Variants in ABL1 observed in about 807,000 individuals in gnomAD.
The protein encoded by ABL1 is ABL proto-oncogene 1, non-receptor tyrosine kinase, also known as tyrosine-protein kinase ABL1.
ABL1 carries 11 observed loss-of-function variants against 94.7 expected under a neutral mutation model. The observed-to-expected ratio is 0.12, with a 90% CI of 0.07 to 0.19. ABL1 has a LOEUF of 0.19. ABL1 is among the 10% of genes least tolerant of loss of function. The pLI is 1.00. For missense variants in ABL1, 1,082 were observed against 1,489.4 expected, an observed-to-expected ratio of 0.73 and a Z score of 4.50; for synonymous variants, 656 against 622.4, an observed-to-expected ratio of 1.05 and a Z score of -0.80.
chr9:130,857,806 T>C (rs1399033786), intron 3 of ABL1, among the ~76,000 whole-genome samples: 1 of 152,166 alleles, frequency 6.6e-6, no homozygotes, highest in African/African-American at 2.4e-5. Context: ...AACACTGCAG[T>C]GTGCGTGACG....
rs1206800431 is a variant in ABL1 at position 130,784,280 on chromosome 9, T to TC, written c.137-69778dup. On this transcript the variant is annotated intron_variant, in intron 1 of 10. Transcript: ENST00000372348. ...ATATACAAATTTCTGTGTTTTTTTG[T>TC]CCCCCCAACCCCTGCCCTTTTAAAG... 8.5e-5 allele frequency among the ~76,000 whole-genome samples: 13 copies of TC among 152,068 alleles called. 1 individual carries two copies. The highest frequency in any genetic ancestry group is 7.9e-4 in the Admixed American group (12 of 15,262).
At chr9:130,870,790 A>G (rs374886303) in intron 4 of ABL1, among the ~76,000 whole-genome samples, 8 of 152,294 alleles carry the variant, frequency 5.3e-5, no homozygotes, top group African/African-American at 1.9e-4. Context: ...ATTGTTTCCA[A>G]GTTTCAGCCT....
chr9:130,727,130 T>C (rs922410612), intron 1 of ABL1, among the ~76,000 whole-genome samples: 1 of 152,220 alleles, frequency 6.6e-6, no homozygotes, highest in Non-Finnish European at 1.5e-5. Flanking sequence ...TTTGTGTTGT[T>C]GCATGTAGTT....
chr9:130,732,250 A>G (rs990919209), intron 1 of ABL1, among the ~76,000 whole-genome samples: 3 of 152,166 alleles, frequency 2.0e-5, no homozygotes, highest in Non-Finnish European at 4.4e-5. Context: ...GCCAGGAACA[A>G]CATAGCCAAC....
intron 1 of ABL1, among the ~76,000 whole-genome samples, chr9:130,761,766 G>A (rs1207575838): frequency 6.6e-6 from 1 of 152,084 alleles, no homozygotes; most frequent in Non-Finnish European, 1.5e-5. Flanking sequence ...GAAAGTTACA[G>A]GTTTTTTTTC....
At chr9:130,825,629 A>G (rs1021171330) in intron 1 of ABL1, among the ~76,000 whole-genome samples, 4 of 152,212 alleles carry the variant, frequency 2.6e-5, no homozygotes, top group African/African-American at 9.6e-5. Context: ...TATTTGTTTT[A>G]TAGATATCTT....
intron 1 of ABL1, among the ~76,000 whole-genome samples, chr9:130,743,268 T>C (rs1831842285): frequency 6.6e-6 from 1 of 152,144 alleles, no homozygotes; most frequent in Non-Finnish European, 1.5e-5. Flanking sequence ...AGATGGGGTT[T>C]TGCCGTGTTA....
chr9:130,837,394 T>G lies in ABL1; in HGVS notation c.79+1869T>G, dbSNP rs528040586. ...GTAAGTGCAGAGCTGGAGCAAAGTT[T>G]AGGTCACAGCTTTGCCAAGTCATTG... On this transcript the variant is annotated intron_variant, in intron 1 of 10. Transcript: ENST00000318560. Among the ~76,000 whole-genome samples the G allele has an allele frequency of 1.6e-4, 25 of 152,324 alleles. 1 individual carries two copies. In the South Asian group the frequency reaches 5.2e-3, roughly 32 times the overall value.
Position 130,862,949 on chromosome 9 carries a change from C to G in ABL1, c.736C>G (p.His246Asp), listed in dbSNP as rs1163489434. 5 of 1,614,210 alleles carry G rather than the reference C, an allele frequency of 3.1e-6. No individual in the cohort carries two copies. Among genetic ancestry groups the G allele is most frequent in the Non-Finnish European group, 4.2e-6 (5 of 1,180,042 alleles). Reference protein sequence around the residue: ...EMERTDITMKHKLGGGQYGEV... With the variant: ...EMERTDITMKDKLGGGQYGEV... ...GGAACGCACGGACATCACCATGAAG[C>G]ACAAGCTGGGCGGGGGCCAGTACGG... The change falls in exon 4 of 11, where the codon CAC (histidine) becomes GAC (aspartate). Residue 246 changes from histidine (H) to aspartate (D), a missense_variant. Physicochemically the swap from His to Asp is moderately conservative, Grantham distance 81. Coordinates refer to ENST00000318560, the MANE Select transcript of ABL1 (RefSeq NM_005157.6). The surrounding 1 kb of genome is among the most constrained non-coding windows in gnomAD (Gnocchi z 5.5).
chr9:130,792,577 T>C (rs908967295), intron 1 of ABL1, among the ~76,000 whole-genome samples: 1 of 152,008 alleles, frequency 6.6e-6, no homozygotes, highest in Non-Finnish European at 1.5e-5. Flanking sequence ...GGAGAAGAAG[T>C]ACGGAATTGG....
In ABL1 at chr9:130,769,329, C is replaced by CTTTTTTTTTTTTTTT. The variant is rs372838676; in HGVS notation, c.136+54882_136+54896dup. Among the ~76,000 whole-genome samples the CTTTTTTTTTTTTTTT allele has an allele frequency of 3.4e-4, 29 of 84,320 alleles. 2 individuals are homozygous for CTTTTTTTTTTTTTTT. Among genetic ancestry groups the CTTTTTTTTTTTTTTT allele is most frequent in the African/African-American group, 1.2e-3 (26 of 21,546 alleles). 55.3% of individuals were successfully genotyped at this position (84,320 alleles called of 152,430 possible). On this transcript the variant is annotated intron_variant, in intron 1 of 10. Transcript: ENST00000372348. The stretch of plus-strand genomic sequence containing the variant: ...TGGAGAGCCAAACTATGGCCCTAGT[C>CTTTTTTTTTTTTTTT]TTTTTTTTTTTTTTTTTTTTTTGAG...
Position 130,814,146 on chromosome 9 carries a change from G to T in ABL1, c.137-39918G>T, listed in dbSNP as rs1366798788. 6.6e-6 allele frequency among the ~76,000 whole-genome samples: 1 copy of T among 152,102 alleles called. No individual in the cohort carries two copies. The highest frequency in any genetic ancestry group is 1.5e-5 in the Non-Finnish European group (1 of 68,026). ...CTAACCATACAAAAATTAGCTGGGCGTGGTGGCGCTTGCCTGTGTAATCCC... is the reference window on the plus strand; with the variant it reads ...CTAACCATACAAAAATTAGCTGGGCTTGGTGGCGCTTGCCTGTGTAATCCC... On this transcript the variant is annotated intron_variant, in intron 1 of 10. Transcript: ENST00000372348. This position sits in a 1 kb window ranked among gnomAD's most constrained non-coding sequence, Gnocchi z 4.4.
chr9:130,801,001 G>T (rs1830047460), intron 1 of ABL1, among the ~76,000 whole-genome samples: 2 of 150,226 alleles, frequency 1.3e-5, no homozygotes, highest in Non-Finnish European at 3.0e-5. Context: ...CACGATCTCG[G>T]CTCACTGCAA....
chr9:130,862,657 T>G lies in ABL1; in HGVS notation c.550-106T>G. On this transcript the variant is annotated intron_variant, in intron 3 of 10. Coordinates refer to ENST00000318560, the MANE Select transcript of ABL1 (RefSeq NM_005157.6). This position sits in a 1 kb window ranked among gnomAD's most constrained non-coding sequence, Gnocchi z 5.5. Reference sequence around the variant, plus strand: ...TGTCCTGTGTGGAGAGCTCCTTATGTGAGATTTTGCTGTGTAGTGAATTAA... The same window carrying G: ...TGTCCTGTGTGGAGAGCTCCTTATGGGAGATTTTGCTGTGTAGTGAATTAA... 1,036 of 1,249,922 alleles carry G rather than the reference T, an allele frequency of 8.3e-4. No individual in the cohort carries two copies. The highest frequency in any genetic ancestry group is 1.0e-3 in the Non-Finnish European group (936 of 903,902). The allele number at this position is 1,249,922 out of a possible 1,614,324, so 77.4% of individuals were successfully genotyped here.
At chr9:130,809,520 G>A (rs889990151) in intron 1 of ABL1, among the ~76,000 whole-genome samples, 1 of 152,002 alleles carries the variant, frequency 6.6e-6, no homozygotes, top group Non-Finnish European at 1.5e-5. Flanking sequence ...TCTGCAGGGC[G>A]AGTCAGCAAG....
At position 130,880,227 on chromosome 9, in the gene ABL1, A is replaced by G; in HGVS notation, c.1513+70A>G. ...GCCATGTGGGACTGCAGCCTGGGTC[A>G]TTCGGTTCACTTCCTGGTGAAAGTT... On this transcript the variant is annotated intron_variant, in intron 9 of 10. Transcript: ENST00000318560. The surrounding 1 kb of genome is among the most constrained non-coding windows in gnomAD (Gnocchi z 4.4). 1.3e-6 allele frequency: 2 copies of G among 1,493,858 alleles called. No homozygotes were observed. The highest frequency in any genetic ancestry group is 1.9e-6 in the Non-Finnish European group (2 of 1,071,280). The allele number at this position is 1,493,858 out of a possible 1,614,324, so 92.5% of individuals were successfully genotyped here.
Position 130,786,192 on chromosome 9 carries a change from C to T in ABL1, c.137-67872C>T, listed in dbSNP as rs1381691682. ...GAAAGGCCAGACAGGGCCAGGGAAACATCTGAGGATTGGCTATTTTGGATA... is the reference window on the plus strand; with the variant it reads ...GAAAGGCCAGACAGGGCCAGGGAAATATCTGAGGATTGGCTATTTTGGATA... On this transcript the variant is annotated intron_variant, in intron 1 of 10. Transcript: ENST00000372348. Among the ~76,000 whole-genome samples the T allele has an allele frequency of 2.0e-5, 3 of 152,338 alleles. No homozygotes were observed. The East Asian group carries it at 5.8e-4, about 29-fold the overall frequency.
intron 1 of ABL1, among the ~76,000 whole-genome samples, chr9:130,727,758 C>CCA (rs1564270345): frequency 1.5e-5 from 2 of 134,634 alleles, no homozygotes; most frequent in African/African-American, 6.4e-5. Context: ...ACCGCCCCCC[C>CCA]CCCCCAAAAA....
intron 1 of ABL1, among the ~76,000 whole-genome samples, chr9:130,769,455 C>T (rs1023435967): frequency 3.3e-5 from 5 of 150,798 alleles, no homozygotes; most frequent in South Asian, 2.1e-4. Context: ...CCTCAGCCTG[C>T]CAGGTAGCTG....
Sources: gnomAD v4.1 joint callset for allele counts (sites outside exome capture counted in the v4.1 genomes callset) on GRCh38, gnomAD v4.1.1 for gene constraint, Gnocchi (gnomAD v3.1) non-coding constraint, MANE v1.5 for transcripts, NCBI Gene and HGNC (gene_info 2026-07-23, HGNC 2026-07-21) for gene names.